Variants in GREB1L observed in about 807,000 individuals in gnomAD.
GREB1L encodes GREB1 like retinoic acid receptor coactivator, also known as GREB1-like protein.
In GREB1L, 17 loss-of-function variants were observed where a neutral mutation model predicts 200.8. That is an observed-to-expected ratio of 0.08 (90% confidence interval 0.06 to 0.13). The LOEUF (loss-of-function observed/expected upper bound fraction) is 0.13. Ranked by LOEUF, GREB1L falls within the 10% of genes least tolerant of loss-of-function variation. The pLI, the probability that GREB1L is intolerant of heterozygous loss-of-function variation, is 1.00. For synonymous variants in GREB1L, 789 were observed against 893.0 expected (o/e 0.88, Z 2.08); for missense variants, 1,657 against 2,367.7 (o/e 0.70, Z 6.23).
At chr18:21,449,275 A>G (rs2034399677) in intron 11 of GREB1L, among the ~76,000 whole-genome samples, 1 of 152,252 alleles carries the variant, frequency 6.6e-6, no homozygotes, top group Admixed American at 6.5e-5. Flanking sequence ...GATCAGGAAT[A>G]CAGAAAAACA....
intron 6 of GREB1L, 144 bp from the exon 7 acceptor site, chr18:21,403,728 G>A: frequency 1.6e-6 from 1 of 617,090 alleles, no homozygotes; most frequent in East Asian, 2.8e-5. Context: ...GTTGGAGTCA[G>A]GATGGGGAAG....
rs1489113881 is a variant in GREB1L, at chr18:21,496,696, C to T, written c.3389C>T (p.Ser1130Leu). The change falls in exon 21 of 33, where the codon TCG becomes TTG. Residue 1130 changes from serine (S) to leucine (L), a missense_variant and splice_region_variant. Physicochemically the swap from Ser to Leu is moderately radical, Grantham distance 145. Transcript: ENST00000424526. ...QSNSSAVTGT[S>L]GSIMENGVSS... ...AACAGCAGCGCTGTCACAGGGACCT[C>T]GGGTCAGTACTTTCTTTTCTCTTTC... 6 of 1,550,890 alleles carry T rather than the reference C, an allele frequency of 3.9e-6. No homozygotes were observed. Among genetic ancestry groups the T allele is most frequent in the South Asian group, 1.2e-5 (1 of 84,004 alleles).
intron 1 of GREB1L, among the ~76,000 whole-genome samples, chr18:21,339,263 G>T (rs777937438): frequency 6.6e-6 from 1 of 152,010 alleles, no homozygotes; most frequent in Non-Finnish European, 1.5e-5. Flanking sequence ...GTATTTGATT[G>T]TATAGAATCA....
intron 7 of GREB1L, among the ~76,000 whole-genome samples, chr18:21,412,844 C>A (rs1474207620): frequency 2.0e-5 from 3 of 151,980 alleles, no homozygotes; most frequent in African/African-American, 7.3e-5. Flanking sequence ...ATTTACCACC[C>A]CCCCCCACCA....
intron 29 of GREB1L, 54 bp downstream of exon 29, chr18:21,515,698 C>T: frequency 7.9e-7 from 1 of 1,268,578 alleles, no homozygotes; most frequent in Non-Finnish European, 1.1e-6. Context: ...ATTGCTTCTG[C>T]CCAGCTCTAG....
chr18:21,453,387 C>T (rs1480140500), intron 14 of GREB1L, among the ~76,000 whole-genome samples: 1 of 152,166 alleles, frequency 6.6e-6, no homozygotes, highest in Non-Finnish European at 1.5e-5. Context: ...GTCTTTGCCT[C>T]GGCTGCATTT....
At chr18:21,312,540 T>TTATG (rs1436670110) in intron 1 of GREB1L, among the ~76,000 whole-genome samples, 1 of 150,474 alleles carries the variant, frequency 6.6e-6, no homozygotes, top group Admixed American at 6.6e-5. Context: ...TTTATTTTAT[T>TTATG]TATTTATTTA....
chr18:21,450,973 GC>G, intron 12 of GREB1L, 49 bp from the exon 13 acceptor site: 1 of 1,524,146 alleles, frequency 6.6e-7, no homozygotes. Context: ...TAATGTTCCA[GC>G]AACATTTGTT....
rs1387334234 is a variant in GREB1L at position 21,444,348 on chromosome 18, C to A, written c.1332C>A (p.Gly444=). 6.4e-7 allele frequency: 1 copy of A among 1,552,256 alleles called. No homozygotes were observed. Among genetic ancestry groups the A allele is most frequent in the Admixed American group, 2.0e-5 (1 of 51,002 alleles). The stretch of plus-strand genomic sequence containing the variant: ...ATTTGGAAAAATTAGGGTTGACCGG[C>A]AGCCAATTTCTGAGCGTGGAAAACA... ...NKDLEKLGLT[G]SQFLSVENMI... is the part of the protein sequence containing the mutation. The change falls in exon 11 of 33, where the codon GGC becomes GGA. Residue 444 remains glycine, a synonymous_variant. Coordinates refer to ENST00000424526, the MANE Select transcript of GREB1L (RefSeq NM_001142966.3).
At chr18:21,407,749 T>C (rs1023790829) in intron 7 of GREB1L, among the ~76,000 whole-genome samples, 5 of 152,184 alleles carry the variant, frequency 3.3e-5, no homozygotes, top group Non-Finnish European at 5.9e-5. Context: ...ATAAAGAAAA[T>C]ATGGTATATA....
At chr18:21,356,730 T>C (rs1340998969) in intron 1 of GREB1L, among the ~76,000 whole-genome samples, 2 of 152,218 alleles carry the variant, frequency 1.3e-5, no homozygotes, top group Non-Finnish European at 2.9e-5. Context: ...CTGGTTTTAA[T>C]TTTTTGAGAA....
At chr18:21,314,992 G>A (rs2038845798) in intron 1 of GREB1L, among the ~76,000 whole-genome samples, 1 of 152,144 alleles carries the variant, frequency 6.6e-6, no homozygotes, top group Admixed American at 6.5e-5. Context: ...CATTAATGTA[G>A]GTCAGTGGAT....
chr18:21,340,213 C>A (rs1432296515), intron 1 of GREB1L, among the ~76,000 whole-genome samples: 1 of 152,010 alleles, frequency 6.6e-6, no homozygotes. Context: ...GTCAGGAGAT[C>A]AAGACCATCT....
chr18:21,488,712 A>G (rs1297276043), intron 18 of GREB1L, among the ~76,000 whole-genome samples: 1 of 152,086 alleles, frequency 6.6e-6, no homozygotes, highest in Non-Finnish European at 1.5e-5. Flanking sequence ...GCTGGAGTGC[A>G]ATGGCATGAT....
chr18:21,325,697 C>CA (rs1299808189), intron 1 of GREB1L, among the ~76,000 whole-genome samples: 1 of 151,156 alleles, frequency 6.6e-6, no homozygotes, highest in Non-Finnish European at 1.5e-5. Flanking sequence ...GCCTGTAGTC[C>CA]CAGCTACTCA....
rs2036521893 is a variant in GREB1L, at chr18:21,495,798, T to C, written c.3146+13T>C. 1.5e-6 allele frequency: 2 copies of C among 1,370,858 alleles called. No individual in the cohort carries two copies. Among genetic ancestry groups the C allele is most frequent in the African/African-American group, 1.5e-5 (1 of 68,646 alleles). The allele number at this position is 1,370,858 out of a possible 1,614,324, so 84.9% of individuals were successfully genotyped here. On this transcript the variant is annotated intron_variant, in intron 20 of 32. Coordinates refer to ENST00000424526, the MANE Select transcript of GREB1L (RefSeq NM_001142966.3). ...AAACCTTTCCCAGGTACAGTTTCAA[T>C]AATTAATTCCATTTTTCATCAGTTG...
intron 7 of GREB1L, among the ~76,000 whole-genome samples, chr18:21,424,652 A>G (rs2032420074): frequency 6.6e-6 from 1 of 152,226 alleles, no homozygotes; most frequent in South Asian, 2.1e-4. Context: ...TATATCATGC[A>G]ATTCATCCAT....
At chr18:21,415,242 G>T (rs112858133) in intron 7 of GREB1L, among the ~76,000 whole-genome samples, 4 of 152,204 alleles carry the variant, frequency 2.6e-5, no homozygotes, top group Non-Finnish European at 5.9e-5. Flanking sequence ...CAAGCCAAGC[G>T]TGGTGGCTCA....
chr18:21,244,714 T>C (rs2037567739), intron 1 of GREB1L, among the ~76,000 whole-genome samples: 1 of 152,170 alleles, frequency 6.6e-6, no homozygotes, highest in Admixed American at 6.5e-5. Flanking sequence ...CTTACGAGTT[T>C]GATGTCATTG....
Sources: gnomAD v4.1 joint callset for allele counts (sites outside exome capture counted in the v4.1 genomes callset) on GRCh38, gnomAD v4.1.1 for gene constraint, MANE v1.5 for transcripts, NCBI Gene and HGNC (gene_info 2026-07-23, HGNC 2026-07-21) for gene names.